Variants in UNC79 observed in about 807,000 individuals in gnomAD.
UNC79 encodes protein unc-79 homolog.
In UNC79, 37 loss-of-function variants were observed where a neutral mutation model predicts 283.1. That is an observed-to-expected ratio of 0.13 (90% CI 0.10 to 0.17). The LOEUF (loss-of-function observed/expected upper bound fraction) is 0.17. Among genes scored for constraint, UNC79 ranks in the 10% least tolerant of loss-of-function variants. UNC79 has a pLI of 1.00. For synonymous variants in UNC79, 1,107 were observed against 1,200.2 expected (o/e 0.92, Z 1.61); for missense variants, 2,272 against 3,211.1 (o/e 0.71, Z 7.07).
chr14:93,585,233 T>C (rs955839210), intron 20 of UNC79, among the ~76,000 whole-genome samples: 1 of 152,108 alleles, frequency 6.6e-6, no homozygotes, highest in African/African-American at 2.4e-5. Context: ...AGAGCCTCTC[T>C]CCTGCTTCTG....
At chr14:93,410,390 C>T (rs892398845) in intron 1 of UNC79, among the ~76,000 whole-genome samples, 1 of 152,106 alleles carries the variant, frequency 6.6e-6, no homozygotes, top group African/African-American at 2.4e-5. Context: ...CCTTAGGCTA[C>T]AAGGAACTCC....
At chr14:93,648,117 C>T (rs74937376) in intron 35 of UNC79, among the ~76,000 whole-genome samples, 17 of 152,310 alleles carry the variant, frequency 1.1e-4, no homozygotes, top group Non-Finnish European at 2.1e-4. Context: ...TTTGAAGGAT[C>T]ACTGCCTAGT....
chr14:93,508,758 ATTAG>A (rs1368604029), intron 7 of UNC79, among the ~76,000 whole-genome samples: 1 of 152,224 alleles, frequency 6.6e-6, no homozygotes, highest in Non-Finnish European at 1.5e-5. Flanking sequence ...AAATTCAATT[ATTAG>A]TTCTAGTAGT....
chr14:93,414,331 A>G (rs1394412920), intron 1 of UNC79, among the ~76,000 whole-genome samples: 1 of 152,084 alleles, frequency 6.6e-6, no homozygotes, highest in Non-Finnish European at 1.5e-5. Flanking sequence ...AAGATCAGAT[A>G]GTTGTAGATA....
At chr14:93,451,206 G>T (rs1027611963) in intron 1 of UNC79, among the ~76,000 whole-genome samples, 1 of 151,912 alleles carries the variant, frequency 6.6e-6, no homozygotes, top group African/African-American at 2.4e-5. Flanking sequence ...TACAGTTAGA[G>T]GCTTTCTTTA....
chr14:93,473,544 T>G (rs1276041945), intron 2 of UNC79, among the ~76,000 whole-genome samples: 1 of 152,200 alleles, frequency 6.6e-6, no homozygotes, highest in Non-Finnish European at 1.5e-5. Flanking sequence ...ATATAGACAT[T>G]ATTTTGATGC....
At chr14:93,352,622 C>G (rs571171759) in intron 1 of UNC79, among the ~76,000 whole-genome samples, 29 of 152,198 alleles carry the variant, frequency 1.9e-4, no homozygotes, top group Non-Finnish European at 3.4e-4. Context: ...TATAAAGGCA[C>G]TGTGAACACT....
chr14:93,604,550 T>C (rs1049771874), intron 26 of UNC79, among the ~76,000 whole-genome samples: 2 of 152,172 alleles, frequency 1.3e-5, no homozygotes, highest in Non-Finnish European at 2.9e-5. Flanking sequence ...ACTGTTTAAA[T>C]CCTAGAAACC....
rs571206097 is a variant in UNC79, at chr14:93,605,969, A to AT, written c.3754+2559dup. ...CGCTCATGTACGCTACTGTGCTGTG[A>AT]TTTTTTTTAAAAGAATAAAAATAAG... On this transcript the variant is annotated intron_variant, in intron 26 of 48. Coordinates refer to ENST00000555664, the Ensembl canonical transcript of UNC79. Among the ~76,000 whole-genome samples, 473 of 152,182 alleles carry AT rather than the reference A, an allele frequency of 3.1e-3. 1 individual carries two copies. The highest frequency in any genetic ancestry group is 6.2e-3 in the Admixed American group (95 of 15,270).
At chr14:93,349,514 C>T (rs1445073473) in intron 1 of UNC79, among the ~76,000 whole-genome samples, 1 of 152,042 alleles carries the variant, frequency 6.6e-6, no homozygotes, top group African/African-American at 2.4e-5. Flanking sequence ...AAGGTTATAC[C>T]CCAGTCCCCT....
At chr14:93,622,260 T>G in exon 30 of UNC79, 1 of 1,614,052 alleles carries the variant, frequency 6.2e-7, no homozygotes, top group Admixed American at 1.7e-5. Context: ...CATCCCTCCG[T>G]CCTCAGCCTG....
At chr14:93,573,088 A>G (rs189165330) in intron 16 of UNC79, among the ~76,000 whole-genome samples, 1 of 152,302 alleles carries the variant, frequency 6.6e-6, no homozygotes, top group African/African-American at 2.4e-5. Flanking sequence ...ATCAATAGCT[A>G]TTAAAAGTAC....
intron 1 of UNC79, among the ~76,000 whole-genome samples, chr14:93,364,356 A>G (rs940107090): frequency 1.3e-5 from 2 of 151,998 alleles, no homozygotes; most frequent in Non-Finnish European, 1.5e-5. Flanking sequence ...AGAGTGTACT[A>G]TTACCTCTGA....
chr14:93,449,276 A>G (rs1468383731), intron 1 of UNC79, among the ~76,000 whole-genome samples: 1 of 152,068 alleles, frequency 6.6e-6, no homozygotes, highest in African/African-American at 2.4e-5. Flanking sequence ...CTCTTTTACC[A>G]TATTTAAGCT....
intron 4 of UNC79, among the ~76,000 whole-genome samples, chr14:93,480,586 A>G (rs979807656): frequency 3.9e-5 from 6 of 152,168 alleles, no homozygotes; most frequent in African/African-American, 9.7e-5. Context: ...ACCAACCTTT[A>G]CAGCCAAATT....
At chr14:93,345,043 C>G (rs769782158) in intron 1 of UNC79, among the ~76,000 whole-genome samples, 1 of 152,044 alleles carries the variant, frequency 6.6e-6, no homozygotes, top group Admixed American at 6.5e-5. Flanking sequence ...AGTTAGGAGG[C>G]GGGGCCTTTG....
intron 26 of UNC79, among the ~76,000 whole-genome samples, chr14:93,610,662 G>A (rs764578476): frequency 2.0e-5 from 3 of 151,010 alleles, no homozygotes; most frequent in Non-Finnish European, 4.4e-5. Flanking sequence ...CCAGGCTGGA[G>A]TAGAGTGGCA....
chr14:93,656,385 G>A (rs909813879), intron 38 of UNC79, among the ~76,000 whole-genome samples: 3 of 151,998 alleles, frequency 2.0e-5, no homozygotes, highest in African/African-American at 7.3e-5. Flanking sequence ...TAGGGGGATC[G>A]CTTGAACCCA....
chr14:93,347,900 C>T (rs1192172788), intron 1 of UNC79: 7 of 580,658 alleles, frequency 1.2e-5, no homozygotes, highest in Non-Finnish European at 1.9e-5. Context: ...TTTTAGATTT[C>T]ACTAGGCGCC....
Sources: allele counts gnomAD v4.1 joint callset (sites outside exome capture counted in the v4.1 genomes callset), GRCh38; gene constraint gnomAD v4.1.1; transcripts MANE v1.5; gene names NCBI Gene and HGNC (gene_info 2026-07-23, HGNC 2026-07-21).